The following FSHR variants were observed in gnomAD, a reference collection of about 807,000 sequenced individuals.
FSHR encodes follicle-stimulating hormone receptor.
In FSHR, 46 loss-of-function variants were observed where a neutral mutation model predicts 52.1. That is an observed-to-expected ratio of 0.88 (90% CI 0.70 to 1.13). FSHR has a LOEUF of 1.13. Ranked by LOEUF, FSHR falls within the 50% of genes most tolerant of loss-of-function variation. FSHR has a pLI of 0.00. For synonymous variants in FSHR, 399 were observed against 309.6 expected, an observed-to-expected ratio of 1.29 and a Z score of -3.03; for missense variants, 964 against 834.6, an observed-to-expected ratio of 1.16 and a Z score of -1.91.
At chr2:49,091,930 T>C (rs1670626732) in intron 1 of FSHR, among the ~76,000 whole-genome samples, 1 of 152,212 alleles carries the variant, frequency 6.6e-6, no homozygotes, top group Non-Finnish European at 1.5e-5. Flanking sequence ...TCAGGGATTT[T>C]GTTTGTAATT....
In FSHR at chr2:49,076,449, A is replaced by G. The variant is rs897934876; in HGVS notation, c.153-8159T>C. ...AGCACGGGAAAAACCCGCCCCCTTG[A>G]TTCAATTACCTCCCACTGGGTCCTT... On this transcript the variant is annotated intron_variant, in intron 1 of 9. Transcript: ENST00000406846. Among the ~76,000 whole-genome samples the G allele has an allele frequency of 5.3e-5, 8 of 152,264 alleles. No individual in the cohort carries two copies. In the South Asian group the frequency reaches 6.2e-4, roughly 12 times the overall value.
chr2:49,150,489 G>A (rs570163976), intron 1 of FSHR, among the ~76,000 whole-genome samples: 3 of 152,148 alleles, frequency 2.0e-5, no homozygotes, highest in African/African-American at 7.2e-5. Context: ...ATAACAACAT[G>A]AGAGATATTG....
intron 1 of FSHR, among the ~76,000 whole-genome samples, chr2:49,088,716 G>T (rs954307466): frequency 4.6e-5 from 7 of 152,074 alleles, no homozygotes; most frequent in African/African-American, 1.7e-4. Context: ...GTTGGTTTGG[G>T]GCTACTTCTG....
chr2:49,059,084 A>T (rs528007863), intron 2 of FSHR, among the ~76,000 whole-genome samples: 3 of 152,228 alleles, frequency 2.0e-5, no homozygotes, highest in African/African-American at 7.2e-5. Flanking sequence ...ACATGCCTGT[A>T]GTACTAGCTA....
At chr2:49,119,929 A>G (rs1487171773) in intron 1 of FSHR, among the ~76,000 whole-genome samples, 1 of 152,188 alleles carries the variant, frequency 6.6e-6, no homozygotes. Context: ...ATGTGAGTAC[A>G]GCAAGTGGCA....
At chr2:48,973,404 G>T (rs1028179831) in intron 8 of FSHR, among the ~76,000 whole-genome samples, 5 of 152,216 alleles carry the variant, frequency 3.3e-5, no homozygotes, top group Non-Finnish European at 7.3e-5. Flanking sequence ...ACATTGCATG[G>T]ATCAGGGCCA....
chr2:48,964,817 G>C (rs142133258), intron 9 of FSHR, among the ~76,000 whole-genome samples: 1 of 152,118 alleles, frequency 6.6e-6, no homozygotes, highest in Non-Finnish European at 1.5e-5. Context: ...TACTTACAGA[G>C]GGATTTGAAT....
intron 2 of FSHR, among the ~76,000 whole-genome samples, chr2:49,066,376 G>C (rs928101708): frequency 2.0e-5 from 3 of 151,922 alleles, no homozygotes; most frequent in African/African-American, 7.3e-5. Context: ...GAAGGAGATA[G>C]GTCTGGAAAG....
At chr2:49,095,667 A>G (rs1280434834) in intron 1 of FSHR, among the ~76,000 whole-genome samples, 1 of 152,208 alleles carries the variant, frequency 6.6e-6, no homozygotes, top group African/African-American at 2.4e-5. Flanking sequence ...AAAAGACACT[A>G]CCAAGAAAGC....
At chr2:49,070,952 G>A (rs1161419163) in intron 1 of FSHR, among the ~76,000 whole-genome samples, 1 of 152,120 alleles carries the variant, frequency 6.6e-6, no homozygotes, top group Non-Finnish European at 1.5e-5. Flanking sequence ...CCTGAGCAGT[G>A]GTGAATGCAA....
intron 6 of FSHR, among the ~76,000 whole-genome samples, chr2:48,984,971 AC>A (rs1162623267): frequency 6.6e-6 from 1 of 152,216 alleles, no homozygotes; most frequent in South Asian, 2.1e-4. Flanking sequence ...CACAAAAAAA[AC>A]AAATTATGTT....
At chr2:49,033,824 A>G (rs1258524830) in intron 2 of FSHR, among the ~76,000 whole-genome samples, 1 of 152,150 alleles carries the variant, frequency 6.6e-6, no homozygotes, top group African/African-American at 2.4e-5. Context: ...CTTTAATAAG[A>G]GAATTGTCAT....
chr2:49,152,245 T>C (rs1199886130), intron 1 of FSHR, among the ~76,000 whole-genome samples: 1 of 152,146 alleles, frequency 6.6e-6, no homozygotes, highest in African/African-American at 2.4e-5. Flanking sequence ...AGCTAGCCTT[T>C]GTCAAGAATG....
chr2:49,051,910 G>A (rs912853950), intron 2 of FSHR, among the ~76,000 whole-genome samples: 1 of 151,938 alleles, frequency 6.6e-6, no homozygotes, highest in Non-Finnish European at 1.5e-5. Flanking sequence ...TTCCAATATG[G>A]ATACAAAGTT....
At chr2:49,122,464 C>T (rs141446762) in intron 1 of FSHR, among the ~76,000 whole-genome samples, 28 of 152,250 alleles carry the variant, frequency 1.8e-4, no homozygotes, top group South Asian at 1.2e-3. Flanking sequence ...ATTCTCATTA[C>T]CCAAAAGTCT....
chr2:49,123,615 C>T (rs1417430615), intron 1 of FSHR, among the ~76,000 whole-genome samples: 1 of 152,020 alleles, frequency 6.6e-6, no homozygotes, highest in Non-Finnish European at 1.5e-5. Context: ...CACATTGTTC[C>T]CCATACATTT....
At chr2:48,979,523 G>A (rs1162397488) in intron 8 of FSHR, among the ~76,000 whole-genome samples, 1 of 152,226 alleles carries the variant, frequency 6.6e-6, no homozygotes, top group Middle Eastern at 3.4e-3. Flanking sequence ...GCTCATAGCC[G>A]AGTCTACTCT....
At chr2:49,122,828 C>A (rs1049664622) in intron 1 of FSHR, among the ~76,000 whole-genome samples, 17 of 152,200 alleles carry the variant, frequency 1.1e-4, no homozygotes, top group Admixed American at 3.9e-4. Context: ...CTTGGCCTTG[C>A]CAAATCCTGA....
intron 1 of FSHR, among the ~76,000 whole-genome samples, chr2:49,082,405 G>A (rs943827612): frequency 6.6e-6 from 1 of 152,126 alleles, no homozygotes; most frequent in African/African-American, 2.4e-5. Flanking sequence ...AAAAAACAGA[G>A]CAGAAAAACT....
Sources: gnomAD v4.1 joint callset for allele counts (sites outside exome capture counted in the v4.1 genomes callset) on GRCh38, gnomAD v4.1.1 for gene constraint, MANE v1.5 for transcripts, NCBI Gene and HGNC (gene_info 2026-07-23, HGNC 2026-07-21) for gene names.